MBD1: variants seen among roughly 807,000 people sequenced by gnomAD.
MBD1 encodes methyl-CpG binding domain protein 1, also known as methyl-CpG-binding domain protein 1.
In MBD1, 25 loss-of-function variants were observed where a neutral mutation model predicts 82.6. The observed-to-expected ratio is 0.30, with a 90% CI of 0.22 to 0.42. MBD1 has a LOEUF of 0.42. Among genes scored for constraint, MBD1 ranks in the 10% least tolerant of loss-of-function variants. The probability of loss-of-function intolerance (pLI) is 1.00; values close to 1 mark genes in which losing one functional copy is unlikely to be tolerated. For synonymous variants in MBD1, 301 were observed against 303.7 expected, an observed-to-expected ratio of 0.99 and a Z score of 0.09; for missense variants, 627 against 819.6, an observed-to-expected ratio of 0.76 and a Z score of 2.87.
intron 10 of MBD1, among the ~76,000 whole-genome samples, chr18:50,274,668 T>C (rs1481466664): frequency 1.3e-5 from 2 of 152,220 alleles, no homozygotes; most frequent in Non-Finnish European, 2.9e-5. Flanking sequence ...AGCAACATTT[T>C]GATAACTCTC....
At chr18:50,271,238 T>A in intron 16 of MBD1, 1 of 1,385,908 alleles carries the variant, frequency 7.2e-7, no homozygotes, top group African/African-American at 1.5e-5. Flanking sequence ...AAATCCAACT[T>A]CTTATACTCA....
At chr18:50,270,051 A>C in intron 16 of MBD1, 1 of 1,598,076 alleles carries the variant, frequency 6.3e-7, no homozygotes, top group African/African-American at 1.3e-5. Context: ...ATCATTGTCA[A>C]AATTACCAGA....
chr18:50,272,905 C>A lies in MBD1; in HGVS notation c.1635G>T (p.Glu545Asp). The change falls in exon 14 of 17, where the codon GAG becomes GAT. Residue 545 changes from glutamate (E) to aspartate (D), a missense_variant. Transcript: ENST00000269468. ...CATCCTTGTTCTCCTCCTTGTCCTC[C>A]TCTGGGTCAGGTGGCTCTTGCTTCA... ...PSVKQEPPDP[E>D]EDKEENKDDS... 6.2e-7 allele frequency: 1 copy of A among 1,614,216 alleles called. No homozygotes were observed. The highest frequency in any genetic ancestry group is 1.1e-5 in the South Asian group (1 of 91,088).
chr18:50,279,355 A>G (rs138275570), intron 2 of MBD1, among the ~76,000 whole-genome samples: 70 of 152,322 alleles, frequency 4.6e-4, no homozygotes, highest in Non-Finnish European at 8.2e-4. Context: ...TGGTTGTACC[A>G]TAATTCTGAT....
In MBD1 at chr18:50,269,795, C is replaced by T; in HGVS notation, c.*56G>A. 1.3e-6 allele frequency: 1 copy of T among 787,360 alleles called. No individual in the cohort carries two copies. The highest frequency in any genetic ancestry group is 2.4e-6 in the Non-Finnish European group (1 of 423,880). The allele number at this position is 787,360 out of a possible 1,614,324, so 48.8% of individuals were successfully genotyped here. On this transcript the variant is annotated 3_prime_UTR_variant, in exon 17 of 17. Transcript: ENST00000269468. ...CTCCCACACTTTACATCCATCTTCC[C>T]TTCCCGAGTGCCTGCCCTGCAGACT...
rs1044194739 is a variant in MBD1 at position 50,269,307 on chromosome 18, A to G, written c.*544T>C. The G allele has an allele frequency of 8.0e-6, 10 of 1,249,094 alleles. No individual in the cohort carries two copies. The Admixed American group carries it at 2.8e-4, about 36-fold the overall frequency. The allele number at this position is 1,249,094 out of a possible 1,614,324, so 77.4% of individuals were successfully genotyped here. A position where few individuals can be genotyped will look rare whatever the true frequency, so the allele number is the denominator to read the frequency against. On this transcript the variant is annotated 3_prime_UTR_variant, in exon 17 of 17. Coordinates refer to ENST00000269468, the MANE Select transcript of MBD1 (RefSeq NM_015846.4). The stretch of plus-strand genomic sequence containing the variant: ...TCAGGTGAGCAGTGAGACCCTTGGG[A>G]GCGGATTCATGGTAGGGTGGCTTTG...
downstream of MBD1, among the ~76,000 whole-genome samples, chr18:50,268,376 G>T (rs2034206281): frequency 6.6e-6 from 1 of 152,244 alleles, no homozygotes; most frequent in Non-Finnish European, 1.5e-5. Context: ...CTAGGTCGTC[G>T]AGCCCCGCCC....
At chr18:50,281,211 C>A in intron 1 of MBD1, 152 bp downstream of exon 1, 2 of 1,534,854 alleles carry the variant, frequency 1.3e-6, no homozygotes. Context: ...GCCTAAATCC[C>A]CCCATTTCTC....
rs751008126 is a variant in MBD1 at position 50,275,148 on chromosome 18, G to A, written c.890C>T (p.Ser297Phe). The change falls in exon 9 of 17, where the codon TCC becomes TTC. Residue 297 changes from serine (S) to phenylalanine (F), a missense_variant. Coordinates refer to ENST00000269468, the MANE Select transcript of MBD1 (RefSeq NM_015846.4). Reference protein sequence around the residue: ...QPLPPPPPSQSPEPTEPHPRA... With the variant: ...QPLPPPPPSQFPEPTEPHPRA... Reference sequence around the variant, plus strand: ...CCTCACCGGCTCTGTGGGCTCTGGGGACTGTGATGGGGGTGGTGGAGGCAG... The same window carrying A: ...CCTCACCGGCTCTGTGGGCTCTGGGAACTGTGATGGGGGTGGTGGAGGCAG... 4.3e-6 allele frequency: 7 copies of A among 1,614,168 alleles called. No homozygotes were observed. In the Admixed American group the frequency reaches 1.2e-4, roughly 27 times the overall value.
rs376324401 is a variant in MBD1, at chr18:50,273,387, G to A, written c.1531C>T (p.Pro511Ser). 306 of 1,614,084 alleles carry A rather than the reference G, an allele frequency of 1.9e-4. No homozygotes were observed. The highest frequency in any genetic ancestry group is 2.4e-4 in the Non-Finnish European group (286 of 1,180,052). Residue 511 changes from proline to serine, a missense_variant, in exon 13 of 17, where the codon CCA (proline) becomes TCA (serine). Physicochemically the swap from Pro to Ser is moderately conservative, Grantham distance 74. Transcript: ENST00000269468. ...EKADTQDEWT[P>S]GTAVLTSPVL... ...GGAGAAGTCAGGACAGCTGTGCCTG[G>A]TGTCCACTCGTCCTGGGTATCCGCC...
chr18:50,271,919 C>G (rs2035728235), intron 15 of MBD1, among the ~76,000 whole-genome samples: 1 of 152,168 alleles, frequency 6.6e-6, no homozygotes, highest in Admixed American at 6.5e-5. Context: ...TTTACATCGC[C>G]AGTGTCTGGG....
Position 50,269,684 on chromosome 18 carries a change from G to A in MBD1, c.*167C>T, listed in dbSNP as rs1169898095. ...TCTGCAGGACACCCACATCATCGAAGCTGGAGGTGGTGAGAGACTGACATG... is the reference window on the plus strand; with the variant it reads ...TCTGCAGGACACCCACATCATCGAAACTGGAGGTGGTGAGAGACTGACATG... On this transcript the variant is annotated 3_prime_UTR_variant, in exon 17 of 17. Transcript: ENST00000269468. The A allele has an allele frequency of 3.9e-6, 3 of 776,782 alleles. No individual in the cohort carries two copies. The highest frequency in any genetic ancestry group is 1.4e-5 in the South Asian group (1 of 73,850). The allele number at this position is 776,782 out of a possible 1,614,324, so 48.1% of individuals were successfully genotyped here. A position where few individuals can be genotyped will look rare whatever the true frequency, so the allele number is the denominator to read the frequency against.
At chr18:50,268,344 C>T (rs955160484), downstream of MBD1, among the ~76,000 whole-genome samples, 24 of 152,280 alleles carry the variant, frequency 1.6e-4, no homozygotes, top group African/African-American at 5.3e-4. Flanking sequence ...CCCTTGGCGA[C>T]ACCCGGCCGC....
At chr18:50,271,561 C>A (rs2035534542) in intron 15 of MBD1, 21 bp from the exon 16 acceptor site, 1 of 1,614,094 alleles carries the variant, frequency 6.2e-7, no homozygotes, top group African/African-American at 1.3e-5. Flanking sequence ...GGGAGCAGGT[C>A]TGTATGTTGA....
intron 1 of MBD1, among the ~76,000 whole-genome samples, chr18:50,280,414 C>T (rs775408941): frequency 3.3e-5 from 5 of 151,880 alleles, no homozygotes; most frequent in Admixed American, 6.6e-5. Flanking sequence ...CCATAGTCCC[C>T]ATCCTCAGCC....
intron 2 of MBD1, chr18:50,279,600 T>A (rs2039417292): frequency 5.0e-6 from 2 of 402,042 alleles, no homozygotes; most frequent in African/African-American, 4.1e-5. Context: ...GTATTAAAGC[T>A]GAAAAGGGCT....
At chr18:50,278,918 T>C (rs916833306) in intron 2 of MBD1, among the ~76,000 whole-genome samples, 1 of 152,244 alleles carries the variant, frequency 6.6e-6, no homozygotes, top group Admixed American at 6.5e-5. Flanking sequence ...GGAGGCCGTA[T>C]GTGTTATGTA....
chr18:50,269,108 C>T lies in MBD1; in HGVS notation c.*743G>A. 9.9e-7 allele frequency: 1 copy of T among 1,012,312 alleles called. No homozygotes were observed. The highest frequency in any genetic ancestry group is 1.2e-6 in the Non-Finnish European group (1 of 845,780). 62.7% of individuals were successfully genotyped at this position (1,012,312 alleles called of 1,614,324 possible). A position where few individuals can be genotyped will look rare whatever the true frequency, so the allele number is the denominator to read the frequency against. On this transcript the variant is annotated 3_prime_UTR_variant, in exon 17 of 17. Coordinates refer to ENST00000269468, the MANE Select transcript of MBD1 (RefSeq NM_015846.4). ...CATTTCTGTATCCTAGTATTAAGTACAGTGCCTACCACAGGCCAGGTTCTC... is the reference window on the plus strand; with the variant it reads ...CATTTCTGTATCCTAGTATTAAGTATAGTGCCTACCACAGGCCAGGTTCTC...
intron 5 of MBD1, 97 bp downstream of exon 5, chr18:50,276,563 CCT>C: frequency 6.8e-7 from 1 of 1,470,082 alleles, no homozygotes; most frequent in Non-Finnish European, 9.5e-7. Context: ...ATGCCAGTAG[CCT>C]CTGTCCTGAC....
Sources: allele counts gnomAD v4.1 joint callset (sites outside exome capture counted in the v4.1 genomes callset), GRCh38; gene constraint gnomAD v4.1.1; transcripts MANE v1.5; gene names NCBI Gene and HGNC (gene_info 2026-07-23, HGNC 2026-07-21).